MAPT: variants seen among roughly 807,000 people sequenced by gnomAD.
MAPT encodes microtubule associated protein tau, also known as microtubule-associated protein tau.
In MAPT, 34 loss-of-function variants were observed where a neutral mutation model predicts 67.9. That is an observed-to-expected ratio of 0.50 (90% confidence interval 0.38 to 0.67). The LOEUF (loss-of-function observed/expected upper bound fraction) is 0.67, where lower values mean the gene tolerates loss of function less well. Among genes scored for constraint, MAPT ranks in the 30% least tolerant of loss-of-function variants. MAPT has a pLI of 0.00. For synonymous variants in MAPT, 456 were observed against 464.5 expected (o/e 0.98, Z 0.23); for missense variants, 881 against 1,115.2 (o/e 0.79, Z 2.99).
intron 1 of MAPT, chr17:45,895,349 G>A (rs1306218798): frequency 6.6e-6 from 1 of 152,198 alleles, no homozygotes; most frequent in African/African-American, 2.4e-5. Context: ...CGAGGAGATG[G>A]GGAGGGGTCC....
chr17:45,955,701 A>G (rs947377552), intron 1 of MAPT, among the ~76,000 whole-genome samples: 1 of 151,572 alleles, frequency 6.6e-6, no homozygotes, highest in South Asian at 2.1e-4. Context: ...AGAGGGGAGA[A>G]CGGCTCACAC....
intron 2 of MAPT, among the ~76,000 whole-genome samples, chr17:45,969,690 C>T (rs1351457388): frequency 6.9e-6 from 1 of 144,306 alleles, no homozygotes; most frequent in Admixed American, 7.0e-5. Flanking sequence ...CCATCCCTTC[C>T]TTCATCCTTC....
chr17:45,992,505 G>A (rs1253440542), intron 8 of MAPT, among the ~76,000 whole-genome samples: 6 of 152,200 alleles, frequency 3.9e-5, no homozygotes, highest in East Asian at 1.9e-4. Flanking sequence ...GGCTGGGCCC[G>A]TTGCCCTGGG....
intron 8 of MAPT, among the ~76,000 whole-genome samples, chr17:45,994,160 G>A (rs1048986803): frequency 6.6e-6 from 1 of 152,230 alleles, no homozygotes; most frequent in African/African-American, 2.4e-5. Context: ...GTGTTTGTCT[G>A]ATGGGCTTTC....
intron 1 of MAPT, among the ~76,000 whole-genome samples, chr17:45,943,433 C>T (rs1485430934): frequency 2.0e-5 from 3 of 152,168 alleles, no homozygotes; most frequent in Non-Finnish European, 4.4e-5. Flanking sequence ...TCAGGTCGTT[C>T]ATTACTGGCA....
chr17:45,975,078 C>G (rs1254110202), intron 3 of MAPT: 4 of 153,306 alleles, frequency 2.6e-5, no homozygotes, highest in African/African-American at 9.6e-5. Flanking sequence ...GCGCCGGGCT[C>G]AAGGCTGCAG....
intron 1 of MAPT, among the ~76,000 whole-genome samples, chr17:45,924,310 C>T (rs543650749): frequency 3.7e-4 from 56 of 152,166 alleles, no homozygotes; most frequent in African/African-American, 1.3e-3. Flanking sequence ...GAGCCACGTG[C>T]GCTTTAAGTC....
chr17:45,921,925 C>T (rs181415434), intron 1 of MAPT, among the ~76,000 whole-genome samples: 26 of 152,226 alleles, frequency 1.7e-4, no homozygotes, highest in Non-Finnish European at 2.5e-4. Context: ...AGCACCTAAG[C>T]CCGGGACCCT....
At chr17:46,017,912 G>A (rs1388451980) in intron 11 of MAPT, among the ~76,000 whole-genome samples, 10 of 151,398 alleles carry the variant, frequency 6.6e-5, no homozygotes, top group African/African-American at 2.4e-4. Flanking sequence ...TTGGGAGGCC[G>A]AGGCAGGCAG....
chr17:45,914,874 C>T (rs1037679912), intron 1 of MAPT, among the ~76,000 whole-genome samples: 3 of 151,812 alleles, frequency 2.0e-5, no homozygotes, highest in Non-Finnish European at 4.4e-5. Flanking sequence ...GCACGCATAC[C>T]ACCGTGCCCA....
chr17:46,004,193 C>T (rs375009617), intron 9 of MAPT, among the ~76,000 whole-genome samples: 37 of 150,434 alleles, frequency 2.5e-4, no homozygotes, highest in African/African-American at 6.3e-4. Context: ...CTGTGAGGCA[C>T]GGACGGGGCT....
chr17:45,912,423 G>A (rs1238908342), intron 1 of MAPT, among the ~76,000 whole-genome samples: 2 of 152,210 alleles, frequency 1.3e-5, no homozygotes, highest in African/African-American at 4.8e-5. Flanking sequence ...GAGGAAGGAA[G>A]AGAGAGATGG....
chr17:45,978,488 G>T, intron 4 of MAPT, 48 bp downstream of exon 4: 8 of 914,082 alleles, frequency 8.8e-6, no homozygotes, highest in Non-Finnish European at 1.4e-5. Flanking sequence ...TGGGGGGAGG[G>T]ACATGGGGTG....
chr17:45,941,724 T>C (rs1414289673), intron 1 of MAPT, among the ~76,000 whole-genome samples: 13 of 135,210 alleles, frequency 9.6e-5, no homozygotes, highest in East Asian at 2.2e-4. Flanking sequence ...CCTTCCTTCC[T>C]TCCTTCCTTC....
In MAPT at chr17:46,010,208, C is replaced by T; in HGVS notation, c.1999-102C>T. On this transcript the variant is annotated intron_variant, in intron 9 of 12. Transcript: ENST00000262410. This position sits in a 1 kb window ranked among gnomAD's most constrained non-coding sequence, Gnocchi z 4.7. ...CATCCTTGCGAGCAAGTAGGCGGGT[C>T]CAGGGTGGCGCATGTCACTCATCGA... 1.3e-6 allele frequency: 1 copy of T among 788,806 alleles called. No homozygotes were observed. Among genetic ancestry groups the T allele is most frequent in the Non-Finnish European group, 2.2e-6 (1 of 451,888 alleles). The allele number at this position is 788,806 out of a possible 1,614,324, so 48.9% of individuals were successfully genotyped here.
chr17:45,999,836 A>G (rs989400659), intron 9 of MAPT: 2 of 612,280 alleles, frequency 3.3e-6, no homozygotes, highest in Non-Finnish European at 5.7e-6. Flanking sequence ...CCTCCCTTAA[A>G]TGCCAGGAAA....
In MAPT at chr17:46,010,919, C is replaced by T. The variant is rs562189248; in HGVS notation, c.2091+517C>T. ...TGAGCGGACACCAAGGTCTTACTGT[C>T]CTGCTCAGCTGCTGCTCCTACACGT... On this transcript the variant is annotated intron_variant, in intron 10 of 12. Transcript: ENST00000262410. The surrounding 1 kb of genome is among the most constrained non-coding windows in gnomAD (Gnocchi z 4.7). Among the ~76,000 whole-genome samples the T allele has an allele frequency of 2.0e-5, 3 of 152,348 alleles. No homozygotes were observed. Among genetic ancestry groups the T allele is most frequent in the Admixed American group, 2.0e-4 (3 of 15,304 alleles).
chr17:45,904,745 T>A (rs148088079), intron 1 of MAPT, among the ~76,000 whole-genome samples: 45 of 152,104 alleles, frequency 3.0e-4, no homozygotes, highest in African/African-American at 1.1e-3. Flanking sequence ...AATGTGAATA[T>A]TCACTACCTA....
intron 9 of MAPT, chr17:45,999,659 A>G: frequency 6.2e-7 from 1 of 1,600,732 alleles, no homozygotes; most frequent in South Asian, 1.1e-5. Context: ...ACCTCATGCC[A>G]AGTGTAGAAA....
Sources: gnomAD v4.1 joint callset for allele counts (sites outside exome capture counted in the v4.1 genomes callset) on GRCh38, gnomAD v4.1.1 for gene constraint, Gnocchi (gnomAD v3.1) non-coding constraint, MANE v1.5 for transcripts, NCBI Gene and HGNC (gene_info 2026-07-23, HGNC 2026-07-21) for gene names.